ADAMTS3: variants seen among roughly 807,000 people sequenced by gnomAD.
ADAMTS3 encodes the protein ADAM metallopeptidase with thrombospondin type 1 motif 3.
ADAMTS3 carries 73 observed loss-of-function variants against 129.0 expected under a neutral mutation model. The observed-to-expected ratio is 0.57, with a 90% confidence interval of 0.47 to 0.69. The LOEUF is 0.69. ADAMTS3 is among the 30% of genes least tolerant of loss of function. The pLI, the probability that ADAMTS3 is intolerant of heterozygous loss-of-function variation, is 0.00. For synonymous variants in ADAMTS3, 477 were observed against 510.8 expected (o/e 0.93, Z 0.89); for missense variants, 1,457 against 1,514.5 (o/e 0.96, Z 0.63).
intron 7 of ADAMTS3, 84 bp from the exon 8 acceptor site, chr4:72,320,047 A>G: frequency 9.2e-7 from 1 of 1,087,454 alleles, no homozygotes; most frequent in Non-Finnish European, 1.4e-6. Flanking sequence ...CTAGGGGGAA[A>G]AAAGTAAAAG....
chr4:72,332,113 C>T (rs745541881), intron 5 of ADAMTS3, among the ~76,000 whole-genome samples: 2 of 152,122 alleles, frequency 1.3e-5, no homozygotes, highest in African/African-American at 4.8e-5. Context: ...ATGTAAGAAA[C>T]GGATTATAGA....
At chr4:72,353,846 CA>C (rs1720505032) in intron 4 of ADAMTS3, among the ~76,000 whole-genome samples, 1 of 151,892 alleles carries the variant, frequency 6.6e-6, no homozygotes, top group African/African-American at 2.4e-5. Context: ...TTGGTCTATC[CA>C]GTGACCTGCA....
chr4:72,307,488 CTT>C (rs1199685674), intron 15 of ADAMTS3, among the ~76,000 whole-genome samples: 4 of 152,026 alleles, frequency 2.6e-5, no homozygotes, highest in Admixed American at 2.0e-4. Flanking sequence ...GAAAGCGCCT[CTT>C]GTCTTCCCTT....
intron 3 of ADAMTS3, among the ~76,000 whole-genome samples, chr4:72,435,860 G>C: frequency 6.6e-6 from 1 of 152,012 alleles, no homozygotes; most frequent in East Asian, 1.9e-4. Flanking sequence ...ATTCGAAATA[G>C]ATTAGAGACT....
At chr4:72,436,694 A>T (rs1453606310) in intron 3 of ADAMTS3, among the ~76,000 whole-genome samples, 1 of 152,146 alleles carries the variant, frequency 6.6e-6, no homozygotes, top group Non-Finnish European at 1.5e-5. Context: ...GGATGAGTTC[A>T]TGTCCTTTAT....
intron 4 of ADAMTS3, among the ~76,000 whole-genome samples, chr4:72,369,435 G>A (rs536933095): frequency 2.6e-5 from 4 of 152,226 alleles, no homozygotes; most frequent in Non-Finnish European, 5.9e-5. Flanking sequence ...ATGTGACCGG[G>A]CGCGGTGGCT....
At chr4:72,364,270 T>G (rs994159907) in intron 4 of ADAMTS3, among the ~76,000 whole-genome samples, 3 of 151,974 alleles carry the variant, frequency 2.0e-5, no homozygotes, top group Non-Finnish European at 2.9e-5. Flanking sequence ...CTAAAAAATA[T>G]TTTTCTTTTT....
chr4:72,489,769 T>C (rs533582183), intron 3 of ADAMTS3, among the ~76,000 whole-genome samples: 23 of 151,914 alleles, frequency 1.5e-4, no homozygotes, highest in African/African-American at 3.4e-4. Context: ...TAGGCATGTA[T>C]GTGCAGGAAA....
At position 72,281,045 on chromosome 4, in the gene ADAMTS3, A is replaced by C. The variant is rs1718327069; in HGVS notation, c.*2091T>G. ...ATCAGTAGTGTACACTTTGATAAAA[A>C]GGAATTTTTAGCTTAGTAGAAAAGA... On this transcript the variant is annotated 3_prime_UTR_variant, in exon 22 of 22. Coordinates refer to ENST00000286657, the MANE Select transcript of ADAMTS3 (RefSeq NM_014243.3). 1 of 152,626 alleles carries C rather than the reference A, an allele frequency of 6.6e-6. No homozygotes were observed. The highest frequency in any genetic ancestry group is 1.5e-5 in the Non-Finnish European group (1 of 68,034). 9.5% of individuals were successfully genotyped at this position (152,626 alleles called of 1,614,324 possible).
At chr4:72,401,716 T>C (rs1455827067) in intron 4 of ADAMTS3, among the ~76,000 whole-genome samples, 2 of 152,022 alleles carry the variant, frequency 1.3e-5, no homozygotes, top group Non-Finnish European at 2.9e-5. Flanking sequence ...AAGATGTAGT[T>C]GTGATTTAAG....
chr4:72,554,626 G>A (rs1404482494), intron 2 of ADAMTS3, among the ~76,000 whole-genome samples: 1 of 149,122 alleles, frequency 6.7e-6, no homozygotes, highest in Non-Finnish European at 1.5e-5. Flanking sequence ...TCCCCCATAT[G>A]ACATCATTCA....
At chr4:72,396,471 G>A (rs1721727822) in intron 4 of ADAMTS3, among the ~76,000 whole-genome samples, 1 of 151,968 alleles carries the variant, frequency 6.6e-6, no homozygotes, top group African/African-American at 2.4e-5. Flanking sequence ...AGAAAAAAAA[G>A]AAATGATGAC....
chr4:72,367,333 T>C (rs72863709), intron 4 of ADAMTS3, among the ~76,000 whole-genome samples: 9,000 of 152,204 alleles, frequency 0.059, 925 homozygotes, highest in African/African-American at 0.21. Flanking sequence ...TGCTTGGACA[T>C]CTGCCATCTT....
At chr4:72,516,080 T>A (rs1720466535) in intron 3 of ADAMTS3, among the ~76,000 whole-genome samples, 1 of 152,188 alleles carries the variant, frequency 6.6e-6, no homozygotes, top group Non-Finnish European at 1.5e-5. Context: ...CCAGCACCAT[T>A]TATTAAATGG....
intron 16 of ADAMTS3, among the ~76,000 whole-genome samples, chr4:72,305,664 CA>C (rs201288358): frequency 2.0e-5 from 3 of 150,926 alleles, no homozygotes; most frequent in Admixed American, 1.3e-4. Flanking sequence ...GAGAAATGAC[CA>C]AAAAAAACCT....
rs34020308 is a variant in ADAMTS3, at chr4:72,546,449, TAA to T, written c.504+2027_504+2028del. Among the ~76,000 whole-genome samples, 793 of 149,072 alleles carry T rather than the reference TAA, an allele frequency of 5.3e-3. 10 individuals are homozygous for T. The highest frequency in any genetic ancestry group is 0.019 in the African/African-American group (758 of 40,794). The stretch of plus-strand genomic sequence containing the variant: ...CATCTGAACGAAGAATTACAAATGT[TAA>T]AAAAAAAAAAGTTGAAAACCTCTGT... On this transcript the variant is annotated intron_variant, in intron 3 of 21. Coordinates refer to ENST00000286657, the MANE Select transcript of ADAMTS3 (RefSeq NM_014243.3).
chr4:72,357,477 C>T (rs1720610182), intron 4 of ADAMTS3, among the ~76,000 whole-genome samples: 1 of 151,876 alleles, frequency 6.6e-6, no homozygotes, highest in Non-Finnish European at 1.5e-5. Context: ...AATATGGGCA[C>T]AGCTCATAGA....
At chr4:72,490,645 C>G (rs796501644) in intron 3 of ADAMTS3, among the ~76,000 whole-genome samples, 18 of 151,930 alleles carry the variant, frequency 1.2e-4, no homozygotes, top group African/African-American at 3.9e-4. Context: ...TTGTTAAAGA[C>G]CAGTTGACTG....
intron 3 of ADAMTS3, among the ~76,000 whole-genome samples, chr4:72,543,296 A>G (rs1389714309): frequency 3.3e-5 from 5 of 152,278 alleles, no homozygotes; most frequent in Non-Finnish European, 7.4e-5. Flanking sequence ...CATGGGGAAC[A>G]GTATGGCAAT....
Sources: gnomAD v4.1 joint callset for allele counts (sites outside exome capture counted in the v4.1 genomes callset) on GRCh38, gnomAD v4.1.1 for gene constraint, MANE v1.5 for transcripts, NCBI Gene and HGNC (gene_info 2026-07-23, HGNC 2026-07-21) for gene names.